PLAU: variants seen among roughly 807,000 people sequenced by gnomAD.
PLAU encodes urokinase-type plasminogen activator.
Under a neutral mutation model 48.9 loss-of-function variants are expected in PLAU, and 32 were observed. The observed-to-expected ratio is 0.65, with a 90% CI of 0.49 to 0.88. PLAU has a LOEUF of 0.88. PLAU is among the 40% of genes least tolerant of loss of function. The pLI is 0.00. For synonymous variants in PLAU, 199 were observed against 205.7 expected (o/e 0.97, Z 0.28); for missense variants, 455 against 545.2 (o/e 0.83, Z 1.65).
intron 2 of PLAU, 121 bp downstream of exon 2, chr10:73,911,733 T>G: frequency 6.4e-7 from 1 of 1,555,710 alleles, no homozygotes; most frequent in Non-Finnish European, 8.7e-7. Context: ...GGCCAGACTC[T>G]CCCCAGGAAA....
At chr10:73,911,290 C>A (rs1057402881) in intron 1 of PLAU, 72 bp downstream of exon 1, 5 of 540,986 alleles carry the variant, frequency 9.2e-6, no homozygotes, top group African/African-American at 8.2e-5. Context: ...CTGCCTCCCC[C>A]GCCCTGGGCT....
chr10:73,914,204 G>C (rs2096131414), intron 8 of PLAU, 76 bp downstream of exon 8: 1 of 1,507,182 alleles, frequency 6.6e-7, no homozygotes, highest in African/African-American at 1.4e-5. Flanking sequence ...CTGGAGCTGA[G>C]GTTGAAGCTG....
rs746954980 is a variant in PLAU at position 73,913,679 on chromosome 10, C to CG, written c.608dup (p.Ser204LeufsTer25). ...GTTTGCGGCCATCTACAGGAGGCAC[C>CG]GGGGGGGCTCTGTCACCTACGTGTG... is the stretch of plus-strand genomic sequence containing the variant. On this transcript the variant is annotated frameshift_variant, in exon 7 of 11. Coordinates refer to ENST00000372764, the MANE Select transcript of PLAU (RefSeq NM_002658.6). LOFTEE classifies it high-confidence loss of function. 3.5e-5 allele frequency: 57 copies of CG among 1,613,162 alleles called. No homozygotes were observed. Among genetic ancestry groups the CG allele is most frequent in the East Asian group, 1.6e-4 (7 of 44,888 alleles).
intron 5 of PLAU, 39 bp from the exon 6 acceptor site, chr10:73,913,251 T>C (rs1213500287): frequency 6.2e-7 from 1 of 1,606,104 alleles, no homozygotes; most frequent in South Asian, 1.1e-5. Flanking sequence ...GAAGGCCCTC[T>C]GGGTTGGAAT....
rs2096138812 is a variant in PLAU at position 73,917,144 on chromosome 10, CTGAT to C, written c.*582_*585del. ...TGTAAGTGTGAGTAAGAGCTGGTGT[CTGAT>C]TGTTAAGTCTAAATATTTCCTTAAA... On this transcript the variant is annotated 3_prime_UTR_variant, in exon 11 of 11. Coordinates refer to ENST00000372764, the MANE Select transcript of PLAU (RefSeq NM_002658.6). The C allele has an allele frequency of 6.5e-6, 1 of 153,500 alleles. No homozygotes were observed. The highest frequency in any genetic ancestry group is 2.4e-5 in the African/African-American group (1 of 41,424). The allele number at this position is 153,500 out of a possible 1,614,324, so 9.5% of individuals were successfully genotyped here. A position where few individuals can be genotyped will look rare whatever the true frequency, so the allele number is the denominator to read the frequency against.
rs770554037 is a variant in PLAU at position 73,915,350 on chromosome 10, C to T, written c.1070C>T (p.Thr357Ile). The change falls in exon 10 of 11, where the codon ACC becomes ATC. Residue 357 changes from threonine to isoleucine, a missense_variant. Transcript: ENST00000372764. ...QPHYYGSEVT[T>I]KMLCAADPQW... ...CACTACTACGGCTCTGAAGTCACCACCAAAATGCTGTGTGCTGCTGACCCA... is the reference window on the plus strand; with the variant it reads ...CACTACTACGGCTCTGAAGTCACCATCAAAATGCTGTGTGCTGCTGACCCA... The T allele has an allele frequency of 1.2e-6, 2 of 1,613,832 alleles. No homozygotes were observed.
At chr10:73,912,849 CA>C (rs61567551) in intron 4 of PLAU, 74 bp from the exon 5 acceptor site, 11,230 of 1,007,282 alleles carry the variant, frequency 0.011, no homozygotes, top group East Asian at 0.037. Flanking sequence ...GACTCCATCT[CA>C]AAAAAAAAAA....
At chr10:73,911,325 C>A (rs1485620201) in intron 1 of PLAU, 107 bp downstream of exon 1, 4 of 620,750 alleles carry the variant, frequency 6.4e-6, no homozygotes, top group South Asian at 3.9e-5. Flanking sequence ...GGCTCCCCGG[C>A]GGCTGCACGG....
upstream of PLAU, among the ~76,000 whole-genome samples, chr10:73,909,015 T>G (rs1411152202): frequency 6.9e-6 from 1 of 145,612 alleles, no homozygotes; most frequent in Non-Finnish European, 1.5e-5. Flanking sequence ...TTTCAGAGAG[T>G]GCTAAAGATT....
intron 5 of PLAU, 33 bp downstream of exon 5, chr10:73,913,131 C>T: frequency 6.2e-7 from 1 of 1,604,156 alleles, no homozygotes; most frequent in Non-Finnish European, 8.5e-7. Flanking sequence ...CAAAAGCCCT[C>T]CCTACAGCTT....
In PLAU at chr10:73,914,845, T is replaced by C; in HGVS notation, c.899T>C (p.Leu300Pro). 6.2e-7 allele frequency: 1 copy of C among 1,614,140 alleles called. No homozygotes were observed. Among genetic ancestry groups the C allele is most frequent in the South Asian group, 1.1e-5 (1 of 91,084 alleles). ...TCCCGGACTATACAGACCATCTGCC[T>C]GCCCTCGATGTATAACGATCCCCAG... The part of the protein sequence containing the change: ...QPSRTIQTIC[L>P]PSMYNDPQFG... Residue 300 changes from leucine to proline, a missense_variant, in exon 9 of 11, where the codon CTG becomes CCG. Coordinates refer to ENST00000372764, the MANE Select transcript of PLAU (RefSeq NM_002658.6).
chr10:73,913,153 T>C (rs2096128401), intron 5 of PLAU, 55 bp downstream of exon 5: 2 of 1,590,880 alleles, frequency 1.3e-6, no homozygotes, highest in South Asian at 1.1e-5. Context: ...CCAGAAACCT[T>C]GTTACCATCC....
rs1489643439 is a variant in PLAU, at chr10:73,915,052, A to C, written c.970+136A>C. On this transcript the variant is annotated intron_variant, in intron 9 of 10. Coordinates refer to ENST00000372764, the MANE Select transcript of PLAU (RefSeq NM_002658.6). The stretch of plus-strand genomic sequence containing the variant: ...CGGTGGCAGATGGGTCCAGGGATGG[A>C]TGAAGAGTGTTGTTTAGGGAGCGAT... The C allele has an allele frequency of 2.2e-5, 24 of 1,073,930 alleles. No homozygotes were observed. In the South Asian group the frequency reaches 3.3e-4, roughly 15 times the overall value. The allele number at this position is 1,073,930 out of a possible 1,614,324, so 66.5% of individuals were successfully genotyped here. A position where few individuals can be genotyped will look rare whatever the true frequency, so the allele number is the denominator to read the frequency against.
Position 73,913,611 on chromosome 10 carries a change from A to T in PLAU, c.533A>T (p.Lys178Met). The T allele has an allele frequency of 6.2e-7, 1 of 1,613,892 alleles. No individual in the cohort carries two copies. Among genetic ancestry groups the T allele is most frequent in the Non-Finnish European group, 8.5e-7 (1 of 1,179,954 alleles). The change falls in exon 7 of 11, where the codon AAG (lysine) becomes ATG (methionine). Residue 178 changes from lysine (K) to methionine (M), a missense_variant. Transcript: ENST00000372764. Reference protein sequence around the residue: ...CGQKTLRPRFKIIGGEFTTIE... With the variant: ...CGQKTLRPRFMIIGGEFTTIE... ...CAAAAGACTCTGAGGCCCCGCTTTA[A>T]GATTATTGGGGGAGAATTCACCACC...
At chr10:73,912,894 A>G (rs775177834) in intron 4 of PLAU, 30 bp from the exon 5 acceptor site, 3 of 1,535,574 alleles carry the variant, frequency 2.0e-6, no homozygotes, top group Non-Finnish European at 2.6e-6. Flanking sequence ...TCTCTTTCTC[A>G]TATTCTCTCA....
rs2136188774 is a variant in PLAU at position 73,913,722 on chromosome 10, G to T, written c.644G>T (p.Ser215Ile). 6.2e-7 allele frequency: 1 copy of T among 1,610,664 alleles called. No individual in the cohort carries two copies. Among genetic ancestry groups the T allele is most frequent in the African/African-American group, 1.3e-5 (1 of 74,858 alleles). Reference sequence around the variant, plus strand: ...TACGTGTGTGGAGGCAGCCTCATCAGCCCTTGCTGGGTGATCAGCGCCACA... The same window carrying T: ...TACGTGTGTGGAGGCAGCCTCATCATCCCTTGCTGGGTGATCAGCGCCACA... ...VTYVCGGSLI[S>I]PCWVISATHC... The change falls in exon 7 of 11, where the codon AGC (serine) becomes ATC (isoleucine). Residue 215 changes from serine to isoleucine, a missense_variant. Coordinates refer to ENST00000372764, the MANE Select transcript of PLAU (RefSeq NM_002658.6).
Position 73,913,330 on chromosome 10 carries a change from G to C in PLAU, c.409G>C (p.Val137Leu). Residue 137 changes from valine (V) to leucine (L), a missense_variant, in exon 6 of 11, where the codon GTG becomes CTG. Transcript: ENST00000372764. ...NRRRPWCYVQ[V>L]GLKLLVQECM... is the part of the protein sequence containing the mutation. ...GAGGCGACCCTGGTGCTATGTGCAG[G>C]TGGGCCTAAAGCTGCTTGTCCAAGA... The C allele has an allele frequency of 6.2e-7, 1 of 1,614,204 alleles. No individual in the cohort carries two copies. The highest frequency in any genetic ancestry group is 8.5e-7 in the Non-Finnish European group (1 of 1,180,036).
In PLAU at chr10:73,913,062, C is replaced by T. The variant is rs375283622; in HGVS notation, c.332C>T (p.Ala111Val). ...QQTYHAHRSD[A>V]LQLGLGKHNY... Reference sequence around the variant, plus strand: ...ACGTACCATGCCCACAGATCTGATGCTCTTCAGCTGGGCCTGGGGAAACAT... The same window carrying T: ...ACGTACCATGCCCACAGATCTGATGTTCTTCAGCTGGGCCTGGGGAAACAT... Residue 111 changes from alanine to valine, a missense_variant, in exon 5 of 11, where the codon GCT becomes GTT. Transcript: ENST00000372764. 1.2e-6 allele frequency: 2 copies of T among 1,614,078 alleles called. No individual in the cohort carries two copies. Among genetic ancestry groups the T allele is most frequent in the Non-Finnish European group, 1.7e-6 (2 of 1,179,954 alleles).
In PLAU at chr10:73,915,378, G is replaced by A. The variant is rs1130957; in HGVS notation, c.1098G>A (p.Gln366=). ...TTKMLCAADP[Q]WKTDSCQGDS... Reference sequence around the variant, plus strand: ...AAATGCTGTGTGCTGCTGACCCACAGTGGAAAACAGATTCCTGCCAGGTGA... The same window carrying A: ...AAATGCTGTGTGCTGCTGACCCACAATGGAAAACAGATTCCTGCCAGGTGA... Residue 366 remains glutamine (Q), a synonymous_variant, in exon 10 of 11, where the codon CAG becomes CAA. Transcript: ENST00000372764. 1 of 1,609,058 alleles carries A rather than the reference G, an allele frequency of 6.2e-7. No individual in the cohort carries two copies. Among genetic ancestry groups the A allele is most frequent in the South Asian group, 1.1e-5 (1 of 90,572 alleles).
Sources: allele counts gnomAD v4.1 joint callset (sites outside exome capture counted in the v4.1 genomes callset), GRCh38; gene constraint gnomAD v4.1.1; transcripts MANE v1.5; gene names NCBI Gene and HGNC (gene_info 2026-07-23, HGNC 2026-07-21).